Variants in NCOA1 observed in about 807,000 individuals in gnomAD.
NCOA1 encodes Hin-2 protein.
NCOA1 carries 35 observed loss-of-function variants against 150.9 expected under a neutral mutation model. The ratio of observed to expected loss-of-function variants is 0.23; its 90% confidence interval spans 0.18 to 0.31. NCOA1 has a LOEUF of 0.31. Ranked by LOEUF, NCOA1 falls within the 10% of genes least tolerant of loss-of-function variation. The pLI is 1.00. For synonymous variants in NCOA1, 590 were observed against 630.0 expected, an observed-to-expected ratio of 0.94 and a Z score of 0.95; for missense variants, 1,491 against 1,749.3, an observed-to-expected ratio of 0.85 and a Z score of 2.63.
intron 1 of NCOA1, among the ~76,000 whole-genome samples, chr2:24,555,358 A>G (rs11890406): frequency 0.15 from 22,455 of 152,174 alleles, 2,022 homozygotes; most frequent in Non-Finnish European, 0.2. Context: ...TAAATATCTT[A>G]AAGTTTGTTT....
intron 6 of NCOA1, among the ~76,000 whole-genome samples, chr2:24,672,923 T>C (rs981956212): frequency 1.3e-5 from 2 of 152,190 alleles, no homozygotes; most frequent in African/African-American, 4.8e-5. Context: ...GAAATGTTAG[T>C]GAGTTCATGC....
At chr2:24,681,777 C>T (rs55842057) in intron 7 of NCOA1, among the ~76,000 whole-genome samples, 7,812 of 150,972 alleles carry the variant, frequency 0.052, 284 homozygotes, top group East Asian at 0.2. Context: ...TGCAGTGGCG[C>T]GATCTCGGCT....
chr2:24,631,024 A>G (rs1447299498), intron 3 of NCOA1, among the ~76,000 whole-genome samples: 1 of 152,190 alleles, frequency 6.6e-6, no homozygotes, highest in Non-Finnish European at 1.5e-5. Flanking sequence ...GACTTGTGTC[A>G]TCATTGATAA....
At chr2:24,687,011 A>G (rs1672436709) in intron 8 of NCOA1, among the ~76,000 whole-genome samples, 1 of 152,110 alleles carries the variant, frequency 6.6e-6, no homozygotes, top group Non-Finnish European at 1.5e-5. Flanking sequence ...TCATGAAATT[A>G]AACTTCAAGG....
intron 3 of NCOA1, among the ~76,000 whole-genome samples, chr2:24,593,022 C>T (rs571373815): frequency 5.7e-4 from 87 of 151,766 alleles, no homozygotes; most frequent in Non-Finnish European, 1.2e-3. Context: ...TGGATGAAGT[C>T]GTGAAGTTGT....
chr2:24,729,094 G>A (rs1420359889), intron 16 of NCOA1, among the ~76,000 whole-genome samples: 1 of 152,170 alleles, frequency 6.6e-6, no homozygotes, highest in African/African-American at 2.4e-5. Flanking sequence ...TACATGAGCT[G>A]TGGATTTTTT....
intron 21 of NCOA1, among the ~76,000 whole-genome samples, chr2:24,759,044 C>T (rs1469431220): frequency 6.6e-6 from 1 of 151,918 alleles, no homozygotes; most frequent in Non-Finnish European, 1.5e-5. Flanking sequence ...TGGAATATTC[C>T]ATTATATTTT....
chr2:24,595,288 A>G (rs1438995888), intron 3 of NCOA1, among the ~76,000 whole-genome samples: 2 of 152,084 alleles, frequency 1.3e-5, no homozygotes, highest in Non-Finnish European at 2.9e-5. Context: ...CAAACTTACT[A>G]GCACACCTCC....
intron 14 of NCOA1, among the ~76,000 whole-genome samples, chr2:24,719,101 T>C (rs868239350): frequency 6.7e-6 from 1 of 149,594 alleles, no homozygotes; most frequent in Non-Finnish European, 1.5e-5. Flanking sequence ...GTAAGTGGTG[T>C]ATTCATAAAA....
At chr2:24,495,958 C>G (rs1663191759) in intron 1 of NCOA1, among the ~76,000 whole-genome samples, 1 of 152,168 alleles carries the variant, frequency 6.6e-6, no homozygotes, top group Admixed American at 6.5e-5. Flanking sequence ...CAAATTCTCG[C>G]ATTCTTTTCT....
At chr2:24,693,423 A>G in intron 10 of NCOA1, 76 bp downstream of exon 10, 2 of 1,255,404 alleles carry the variant, frequency 1.6e-6, no homozygotes, top group Non-Finnish European at 2.3e-6. Context: ...TTATATCCAG[A>G]ATGTCTTTCT....
intron 2 of NCOA1, among the ~76,000 whole-genome samples, chr2:24,571,174 A>G (rs1558802658): frequency 6.6e-6 from 1 of 151,794 alleles, no homozygotes; most frequent in Non-Finnish European, 1.5e-5. Context: ...AAGATTGGCC[A>G]TTAGTTGATC....
intron 3 of NCOA1, among the ~76,000 whole-genome samples, chr2:24,600,454 G>A (rs560626193): frequency 5.1e-4 from 78 of 152,328 alleles, no homozygotes; most frequent in African/African-American, 1.7e-3. Flanking sequence ...TGATCCGCAC[G>A]CCTTGGCCTC....
At chr2:24,742,471 T>G (rs1663656553) in intron 19 of NCOA1, among the ~76,000 whole-genome samples, 2 of 152,088 alleles carry the variant, frequency 1.3e-5, no homozygotes, top group Non-Finnish European at 2.9e-5. Context: ...TTTTCTTTTT[T>G]GTTAGATGCA....
At chr2:24,524,948 A>C (rs1664588125) in intron 1 of NCOA1, among the ~76,000 whole-genome samples, 1 of 152,166 alleles carries the variant, frequency 6.6e-6, no homozygotes. Flanking sequence ...GGAAACTGTA[A>C]TTAGAAGGGA....
chr2:24,623,246 C>T (rs974168001), intron 3 of NCOA1, among the ~76,000 whole-genome samples: 1 of 152,132 alleles, frequency 6.6e-6, no homozygotes, highest in Non-Finnish European at 1.5e-5. Flanking sequence ...GGTGGAAACT[C>T]AGAAAAGTGA....
intron 3 of NCOA1, among the ~76,000 whole-genome samples, chr2:24,617,491 G>A (rs1403643545): frequency 6.6e-6 from 1 of 152,052 alleles, no homozygotes; most frequent in East Asian, 1.9e-4. Flanking sequence ...CACACGTTCT[G>A]TTGGTCATCT....
At chr2:24,705,423 T>C (rs939506412) in intron 12 of NCOA1, among the ~76,000 whole-genome samples, 190 bp downstream of exon 12, 1 of 152,170 alleles carries the variant, frequency 6.6e-6, no homozygotes, top group Admixed American at 6.5e-5. Flanking sequence ...GCTTTGTTGT[T>C]CATAAAGGGA....
intron 2 of NCOA1, among the ~76,000 whole-genome samples, chr2:24,576,553 A>G (rs967053682): frequency 4.6e-5 from 7 of 152,118 alleles, no homozygotes; most frequent in African/African-American, 1.7e-4. Flanking sequence ...TCTAAAAGCC[A>G]TTGTTTCATC....
Sources: allele counts gnomAD v4.1 joint callset (sites outside exome capture counted in the v4.1 genomes callset), GRCh38; gene constraint gnomAD v4.1.1; transcripts MANE v1.5; gene names NCBI Gene and HGNC (gene_info 2026-07-23, HGNC 2026-07-21).